SPIRE1: variants seen among roughly 807,000 people sequenced by gnomAD.
The protein encoded by SPIRE1 is spire type actin nucleation factor 1.
A neutral mutation model predicts 94.1 loss-of-function variants in SPIRE1; 40 were observed. The observed-to-expected ratio is 0.43, with a 90% CI of 0.33 to 0.55. The LOEUF is 0.55. Among genes scored for constraint, SPIRE1 ranks in the 20% least tolerant of loss-of-function variants. The pLI is 0.06. For synonymous variants in SPIRE1, 376 were observed against 371.7 expected (o/e 1.01, Z -0.13); for missense variants, 838 against 975.2 (o/e 0.86, Z 1.87).
chr18:12,454,725 TC>T (rs1428923007), intron 12 of SPIRE1, among the ~76,000 whole-genome samples: 1 of 152,190 alleles, frequency 6.6e-6, no homozygotes, highest in African/African-American at 2.4e-5. Context: ...AAATGAAAGT[TC>T]CTCACGTTTG....
At chr18:12,542,195 G>A (rs557246752) in intron 3 of SPIRE1, among the ~76,000 whole-genome samples, 5 of 152,034 alleles carry the variant, frequency 3.3e-5, no homozygotes, top group East Asian at 1.9e-4. Flanking sequence ...GTCAGGTCTC[G>A]AACTCCTGAC....
At chr18:12,474,614 A>G in intron 10 of SPIRE1, among the ~76,000 whole-genome samples, 1 of 152,116 alleles carries the variant, frequency 6.6e-6, no homozygotes, top group Admixed American at 6.5e-5. Flanking sequence ...CTGAGGTCAG[A>G]AGTTCGAGAC....
chr18:12,493,883 CT>C (rs1289914515), intron 7 of SPIRE1, among the ~76,000 whole-genome samples: 3 of 151,398 alleles, frequency 2.0e-5, no homozygotes, highest in Admixed American at 6.6e-5. Flanking sequence ...TACTACTGTT[CT>C]TTTTTTTGTG....
intron 2 of SPIRE1, among the ~76,000 whole-genome samples, chr18:12,575,003 A>G (rs1047893907): frequency 5.9e-5 from 9 of 152,264 alleles, no homozygotes; most frequent in Admixed American, 1.3e-4. Context: ...GTGAGTAAAC[A>G]GAAATGTGTA....
chr18:12,514,898 A>C (rs1216069851), intron 4 of SPIRE1, among the ~76,000 whole-genome samples: 1 of 152,230 alleles, frequency 6.6e-6, no homozygotes, highest in Non-Finnish European at 1.5e-5. Flanking sequence ...AGGTAATTAT[A>C]GTATTAAACA....
chr18:12,615,784 T>C (rs984022886), intron 2 of SPIRE1, among the ~76,000 whole-genome samples: 1 of 152,106 alleles, frequency 6.6e-6, no homozygotes, highest in Admixed American at 6.6e-5. Context: ...AAAAAGAAAA[T>C]TCTTGCTCTT....
intron 1 of SPIRE1, among the ~76,000 whole-genome samples, chr18:12,654,018 C>T (rs1598589896): frequency 6.6e-6 from 1 of 151,604 alleles, no homozygotes; most frequent in Non-Finnish European, 1.5e-5. Flanking sequence ...TTGCTAACTA[C>T]ATATAATCAT....
At chr18:12,512,632 G>T in intron 4 of SPIRE1, 101 bp from the exon 5 acceptor site, 1 of 724,080 alleles carries the variant, frequency 1.4e-6, no homozygotes, top group Non-Finnish European at 2.3e-6. Flanking sequence ...TCAAGTACCA[G>T]TGAAGGAGAT....
chr18:12,450,526 T>A, intron 16 of SPIRE1: 1 of 551,968 alleles, frequency 1.8e-6, no homozygotes, highest in Non-Finnish European at 3.2e-6. Context: ...GAGAAGAACA[T>A]AAGAAGAAGA....
chr18:12,590,962 T>C (rs2036518751), intron 2 of SPIRE1, among the ~76,000 whole-genome samples: 1 of 152,228 alleles, frequency 6.6e-6, no homozygotes, highest in African/African-American at 2.4e-5. Flanking sequence ...CATTTTATCC[T>C]CACTATTTTT....
At chr18:12,567,333 C>T (rs774714865) in intron 2 of SPIRE1, among the ~76,000 whole-genome samples, 56 of 152,246 alleles carry the variant, frequency 3.7e-4, no homozygotes, top group African/African-American at 1.2e-3. Context: ...ACTAAAGACA[C>T]GGAGAGACAC....
chr18:12,634,259 A>T lies in SPIRE1; in HGVS notation c.372+803T>A, dbSNP rs1238114825. On this transcript the variant is annotated intron_variant, in intron 2 of 16. Coordinates refer to ENST00000409402, the MANE Select transcript of SPIRE1 (RefSeq NM_001128626.2). ...CGAGACTCCGTCTAAAAATAAAAAT[A>T]AAAAAAAAAAAAAATAATAATAATA... Among the ~76,000 whole-genome samples, 47 of 18,348 alleles carry T rather than the reference A, an allele frequency of 2.6e-3. No individual in the cohort carries two copies. In the East Asian group the frequency reaches 0.12, roughly 45 times the overall value. The allele number at this position is 18,348 out of a possible 152,430, so 12.0% of individuals were successfully genotyped here. A position where few individuals can be genotyped will look rare whatever the true frequency, so the allele number is the denominator to read the frequency against.
intron 4 of SPIRE1, among the ~76,000 whole-genome samples, chr18:12,517,791 A>C (rs1015680534): frequency 1.3e-5 from 2 of 152,222 alleles, no homozygotes; most frequent in Non-Finnish European, 2.9e-5. Flanking sequence ...TGTAGGTTCA[A>C]CATCAGCTCA....
Position 12,535,514 on chromosome 18 carries a change from G to A in SPIRE1, c.691C>T (p.Leu231Phe). ...TTAATTTTGGTCAGAAATGTATGGA[G>A]CTCCATTGTTTCTGCAAACAGTGCA... Reference protein sequence around the residue: ...CRALFAETMELHTFLTKIKSA... With the variant: ...CRALFAETMEFHTFLTKIKSA... The change falls in exon 4 of 17, where the codon CTC (leucine) becomes TTC (phenylalanine). Residue 231 changes from leucine (L) to phenylalanine (F), a missense_variant. Physicochemically the swap from Leu to Phe is conservative, Grantham distance 22. This residue lies in a region of SPIRE1 where 645 missense variants were observed against 804.7 expected (regional missense o/e 0.80). Transcript: ENST00000409402. 6.2e-7 allele frequency: 1 copy of A among 1,613,442 alleles called. No individual in the cohort carries two copies. Among genetic ancestry groups the A allele is most frequent in the Non-Finnish European group, 8.5e-7 (1 of 1,179,504 alleles).
chr18:12,460,024 T>C (rs2031712678), intron 12 of SPIRE1: 1 of 538,792 alleles, frequency 1.9e-6, no homozygotes, highest in Non-Finnish European at 2.4e-6. Context: ...TGATTACAGA[T>C]CACAAAAGGA....
intron 2 of SPIRE1, among the ~76,000 whole-genome samples, chr18:12,548,604 C>CTTTTTTTTTTTTTTTT (rs59811774): frequency 6.9e-6 from 1 of 144,262 alleles, no homozygotes; most frequent in Admixed American, 6.9e-5. Flanking sequence ...TCTTTTCTTT[C>CTTTTTTTTTTTTTTTT]TTTTTTTTTT....
At chr18:12,465,356 G>C (rs1044343436) in intron 10 of SPIRE1, among the ~76,000 whole-genome samples, 6 of 151,938 alleles carry the variant, frequency 3.9e-5, no homozygotes, top group African/African-American at 1.5e-4. Flanking sequence ...TAAATTTTTT[G>C]TAGAGACAGG....
At chr18:12,477,945 A>G (rs1167675206) in intron 10 of SPIRE1, among the ~76,000 whole-genome samples, 1 of 152,064 alleles carries the variant, frequency 6.6e-6, no homozygotes, top group East Asian at 1.9e-4. Flanking sequence ...AGCCTTCCGA[A>G]GGTTTTAAGC....
intron 2 of SPIRE1, among the ~76,000 whole-genome samples, chr18:12,596,024 C>G (rs749445440): frequency 6.6e-6 from 1 of 152,134 alleles, no homozygotes; most frequent in Non-Finnish European, 1.5e-5. Flanking sequence ...CTACAAGGAG[C>G]CTATTGTAGG....
Sources: allele counts gnomAD v4.1 joint callset (sites outside exome capture counted in the v4.1 genomes callset), GRCh38; gene constraint gnomAD v4.1.1; regional missense constraint gnomAD v4.1.1; transcripts MANE v1.5; gene names NCBI Gene and HGNC (gene_info 2026-07-23, HGNC 2026-07-21).